The following BICC1 variants were observed in gnomAD, a reference collection of about 807,000 sequenced individuals.
BICC1 encodes protein bicaudal C homolog 1.
BICC1 carries 43 observed loss-of-function variants against 111.0 expected under a neutral mutation model. That is an observed-to-expected ratio of 0.39 (90% CI 0.30 to 0.50). The LOEUF is 0.50. Ranked by LOEUF, BICC1 falls within the 20% of genes least tolerant of loss-of-function variation. The pLI is 0.88. For missense variants in BICC1, 1,091 were observed against 1,203.2 expected (o/e 0.91, Z 1.38); for synonymous variants, 467 against 434.4 (o/e 1.07, Z -0.93).
At chr10:58,724,523 A>G (rs1003196098) in intron 3 of BICC1, among the ~76,000 whole-genome samples, 1 of 152,128 alleles carries the variant, frequency 6.6e-6, no homozygotes, top group Non-Finnish European at 1.5e-5. Context: ...GTCATCTTTC[A>G]GCTCCAGAAC....
intron 14 of BICC1, among the ~76,000 whole-genome samples, chr10:58,801,850 C>T (rs942682330): frequency 1.3e-5 from 2 of 152,152 alleles, no homozygotes; most frequent in Non-Finnish European, 2.9e-5. Flanking sequence ...TTTTTCTTTA[C>T]ATGGAGCTAA....
chr10:58,708,617 T>A (rs1840474378), intron 3 of BICC1, among the ~76,000 whole-genome samples: 1 of 152,214 alleles, frequency 6.6e-6, no homozygotes, highest in Admixed American at 6.5e-5. Flanking sequence ...GAAGATTGGT[T>A]GGACCAGGTG....
At chr10:58,615,409 C>A (rs1281414111) in intron 1 of BICC1, among the ~76,000 whole-genome samples, 1 of 152,118 alleles carries the variant, frequency 6.6e-6, no homozygotes, top group Non-Finnish European at 1.5e-5. Context: ...AGTGCAGGCT[C>A]CCAACTCCAC....
chr10:58,602,864 G>C (rs1349603912), intron 1 of BICC1, among the ~76,000 whole-genome samples: 1 of 152,106 alleles, frequency 6.6e-6, no homozygotes, highest in African/African-American at 2.4e-5. Context: ...GATGACCCTT[G>C]CTGCCTTTGT....
At chr10:58,805,215 C>T (rs1259832493) in intron 15 of BICC1, among the ~76,000 whole-genome samples, 5 of 152,110 alleles carry the variant, frequency 3.3e-5, no homozygotes, top group Admixed American at 3.3e-4. Flanking sequence ...ATCACTTGAA[C>T]CCAAGAGGTG....
intron 3 of BICC1, chr10:58,715,413 A>C: frequency 1.6e-6 from 1 of 607,782 alleles, no homozygotes; most frequent in Non-Finnish European, 3.0e-6. Context: ...CTACACACAC[A>C]TTTCTACCAT....
chr10:58,778,792 G>T (rs80137509), intron 3 of BICC1, among the ~76,000 whole-genome samples: 1 of 152,150 alleles, frequency 6.6e-6, no homozygotes, highest in Non-Finnish European at 1.5e-5. Context: ...GCCCACTAAC[G>T]TTTTGCTTTA....
At chr10:58,785,361 A>G (rs560925833) in intron 4 of BICC1, among the ~76,000 whole-genome samples, 3 of 152,308 alleles carry the variant, frequency 2.0e-5, no homozygotes, top group East Asian at 3.9e-4. Flanking sequence ...GTATATATGT[A>G]TACATGTACA....
chr10:58,788,477 T>C (rs1843077302), intron 6 of BICC1, 54 bp downstream of exon 6: 3 of 1,198,372 alleles, frequency 2.5e-6, no homozygotes, highest in Admixed American at 3.5e-5. Flanking sequence ...ATTTGCATTA[T>C]AAGGCACTAA....
At chr10:58,577,596 A>G (rs1844150272) in intron 1 of BICC1, among the ~76,000 whole-genome samples, 1 of 152,228 alleles carries the variant, frequency 6.6e-6, no homozygotes, top group Admixed American at 6.5e-5. Flanking sequence ...TGAGAAACTC[A>G]AGTATAGCAA....
chr10:58,730,878 C>T (rs911404984), intron 3 of BICC1, among the ~76,000 whole-genome samples: 2 of 152,054 alleles, frequency 1.3e-5, no homozygotes, highest in Admixed American at 1.3e-4. Flanking sequence ...AACCATTCAG[C>T]CCCCCTAGGC....
intron 2 of BICC1, among the ~76,000 whole-genome samples, chr10:58,671,528 G>C (rs528786118): frequency 7.9e-5 from 12 of 152,202 alleles, no homozygotes; most frequent in Non-Finnish European, 1.6e-4. Flanking sequence ...TGTGCCTTGG[G>C]TGTTACCTGT....
At chr10:58,603,893 T>C (rs557281775) in intron 1 of BICC1, among the ~76,000 whole-genome samples, 1 of 152,350 alleles carries the variant, frequency 6.6e-6, no homozygotes, top group South Asian at 2.1e-4. Context: ...TAATGAGTAA[T>C]TTAATACTTA....
chr10:58,658,510 A>G (rs1838734986), intron 2 of BICC1, among the ~76,000 whole-genome samples: 1 of 152,080 alleles, frequency 6.6e-6, no homozygotes, highest in South Asian at 2.1e-4. Flanking sequence ...AATGTAGATT[A>G]CCACTATGAT....
chr10:58,654,095 G>T (rs1838545706), intron 2 of BICC1, among the ~76,000 whole-genome samples: 1 of 135,080 alleles, frequency 7.4e-6, no homozygotes, highest in Non-Finnish European at 1.6e-5. Context: ...TGGACATTTG[G>T]GTTGGTTCCA....
At chr10:58,717,896 A>T (rs544546115) in intron 3 of BICC1, among the ~76,000 whole-genome samples, 1 of 152,194 alleles carries the variant, frequency 6.6e-6, no homozygotes, top group Non-Finnish European at 1.5e-5. Flanking sequence ...CTCTTTGCCA[A>T]TACTGTGCTT....
At chr10:58,685,371 T>A (rs138789272) in intron 2 of BICC1, among the ~76,000 whole-genome samples, 1 of 152,348 alleles carries the variant, frequency 6.6e-6, no homozygotes, top group African/African-American at 2.4e-5. Context: ...GCTCTGTAGA[T>A]GTCTATTAGG....
chr10:58,645,828 A>G (rs1456795493), intron 2 of BICC1, among the ~76,000 whole-genome samples: 1 of 152,228 alleles, frequency 6.6e-6, no homozygotes, highest in Non-Finnish European at 1.5e-5. Context: ...AAACAACTCC[A>G]TCTTGCCAGA....
At position 58,629,468 on chromosome 10, in the gene BICC1, G is replaced by A. The variant is rs80105507; in HGVS notation, c.237+8567G>A. On this transcript the variant is annotated intron_variant, in intron 2 of 20. Transcript: ENST00000373886. ...CACATTAATGGGCTATGCATCTATAGTGAGAGAGGTTCTGCCTAAAACTGT... is the reference window on the plus strand; with the variant it reads ...CACATTAATGGGCTATGCATCTATAATGAGAGAGGTTCTGCCTAAAACTGT... Among the ~76,000 whole-genome samples, 694 of 152,260 alleles carry A rather than the reference G, an allele frequency of 4.6e-3. 13 individuals are homozygous for A. The highest frequency in any genetic ancestry group is 0.016 in the African/African-American group (658 of 41,538).
Sources: allele counts gnomAD v4.1 joint callset (sites outside exome capture counted in the v4.1 genomes callset), GRCh38; gene constraint gnomAD v4.1.1; transcripts MANE v1.5; gene names NCBI Gene and HGNC (gene_info 2026-07-23, HGNC 2026-07-21).